Variants in CCNL2 observed in about 807,000 individuals in gnomAD.
CCNL2 encodes cyclin L2.
In CCNL2, 28 loss-of-function variants were observed where a neutral mutation model predicts 59.1. That is an observed-to-expected ratio of 0.47 (90% CI 0.35 to 0.65). The LOEUF (loss-of-function observed/expected upper bound fraction) is 0.65, where lower values mean the gene tolerates loss of function less well. CCNL2 is among the 30% of genes least tolerant of loss of function. The pLI is 0.00. For missense variants in CCNL2, 714 were observed against 717.4 expected, an observed-to-expected ratio of 1.00 and a Z score of 0.05; for synonymous variants, 342 against 288.6, an observed-to-expected ratio of 1.19 and a Z score of -1.88.
intron 3 of CCNL2, 91 bp from the exon 4 acceptor site, chr1:1,395,605 CA>C (rs1442094967): frequency 2.0e-6 from 3 of 1,536,394 alleles, no homozygotes; most frequent in Non-Finnish European, 2.7e-6. Flanking sequence ...GAGCACCTAA[CA>C]CAAACCCCAC....
chr1:1,390,905 G>A (rs373500735), intron 5 of CCNL2, 40 bp from the exon 6 acceptor site: 28 of 1,523,230 alleles, frequency 1.8e-5, no homozygotes, highest in Middle Eastern at 1.7e-4. Flanking sequence ...TGCCCCACCC[G>A]GGAACCCAGG....
chr1:1,398,690 T>A lies in CCNL2; in HGVS notation c.289-19A>T, dbSNP rs768929918. 6 of 1,610,098 alleles carry A rather than the reference T, an allele frequency of 3.7e-6. No individual in the cohort carries two copies. The Admixed American group carries it at 6.7e-5, about 18-fold the overall frequency. On this transcript the variant is annotated intron_variant, in intron 1 of 10. Coordinates refer to ENST00000400809, the MANE Select transcript of CCNL2 (RefSeq NM_030937.6). ...TGGCCACCTAGAGTAGAAGAAAGTT[T>A]CCGTATTTTCAAACGCACCATTCAA...
At position 1,399,240 on chromosome 1, in the gene CCNL2, G is replaced by T; in HGVS notation, c.67C>A (p.Pro23Thr). The change falls in exon 1 of 11, where the codon CCG (proline) becomes ACG (threonine). Residue 23 changes from proline to threonine, a missense_variant. Transcript: ENST00000400809. ...SAAPAAAAGA[P>T]GSGGAPSGSQ... is the part of the protein sequence containing the mutation. Reference sequence around the variant, plus strand: ...CCTGAGGGTGCGCCCCCAGATCCCGGGGCGCCGGCCGCTGCCGCGGGAGCT... The same window carrying T: ...CCTGAGGGTGCGCCCCCAGATCCCGTGGCGCCGGCCGCTGCCGCGGGAGCT... 1 of 1,591,348 alleles carries T rather than the reference G, an allele frequency of 6.3e-7. No individual in the cohort carries two copies. Among genetic ancestry groups the T allele is most frequent in the East Asian group, 2.4e-5 (1 of 42,122 alleles).
chr1:1,387,572 T>C lies in CCNL2; in HGVS notation c.1222A>G (p.Ser408Gly). 1 of 1,491,642 alleles carries C rather than the reference T, an allele frequency of 6.7e-7. No homozygotes were observed. 92.4% of individuals were successfully genotyped at this position (1,491,642 alleles called of 1,614,324 possible). A position where few individuals can be genotyped will look rare whatever the true frequency, so the allele number is the denominator to read the frequency against. The change falls in exon 11 of 11, where the codon AGC becomes GGC. Residue 408 changes from serine (S) to glycine (G), a missense_variant. This residue lies in a region of CCNL2 where 403 missense variants were observed against 377.7 expected (regional missense o/e 1.07). Coordinates refer to ENST00000400809, the MANE Select transcript of CCNL2 (RefSeq NM_030937.6). ...SASPKRRKSD[S>G]GSTSGGSKSQ... ...TTGGACCCACCAGATGTGGAGCCGC[T>C]GTCACTTTTCCTGGGAGGAAGAACA...
At chr1:1,396,583 T>C (rs113531386) in intron 3 of CCNL2, among the ~76,000 whole-genome samples, 1 of 140,294 alleles carries the variant, frequency 7.1e-6, no homozygotes, top group East Asian at 2.1e-4. Flanking sequence ...TTTTTTTTTT[T>C]TTTTTTTTTT....
chr1:1,391,725 TAA>T (rs1557720001), intron 5 of CCNL2: 2 of 425,472 alleles, frequency 4.7e-6, no homozygotes, highest in East Asian at 9.6e-5. Context: ...TTACATTTTT[TAA>T]AAGTTAAAGC....
rs1644548920 is a variant in CCNL2 at position 1,387,968 on chromosome 1, G to A, written c.1104C>T (p.Asp368=). 6.2e-7 allele frequency: 1 copy of A among 1,614,066 alleles called. No homozygotes were observed. The highest frequency in any genetic ancestry group is 8.5e-7 in the Non-Finnish European group (1 of 1,180,026). ...TGGGGTCCTACCCGTTCACGGGGCT[G>A]TCCGCCTTGGCTTTCTTGGCGCCCT... The part of the protein sequence containing the change: ...RLEGAKKAKA[D]SPVNGLPKGR... Residue 368 remains aspartate, a synonymous_variant, in exon 9 of 11, where the codon GAC becomes GAT. Transcript: ENST00000400809.
chr1:1,387,487 G>A lies in CCNL2; in HGVS notation c.1307C>T (p.Ala436Val), dbSNP rs900102282. The change falls in exon 11 of 11, where the codon GCT (alanine) becomes GTT (valine). Residue 436 changes from alanine (A) to valine (V), a missense_variant. Coordinates refer to ENST00000400809, the MANE Select transcript of CCNL2 (RefSeq NM_030937.6). ...DSPPRQAPRS[A>V]PYKGSEIRGS... ...CCGAATCTCAGAGCCTTTGTAGGGAGCGCTGCGGGGGGCCTGTCTCGGTGG... is the reference window on the plus strand; with the variant it reads ...CCGAATCTCAGAGCCTTTGTAGGGAACGCTGCGGGGGGCCTGTCTCGGTGG... The A allele has an allele frequency of 1.2e-6, 2 of 1,603,390 alleles. No individual in the cohort carries two copies. The highest frequency in any genetic ancestry group is 2.7e-5 in the African/African-American group (2 of 74,404).
chr1:1,387,135 AC>A lies in CCNL2; in HGVS notation c.*95del. The A allele has an allele frequency of 1.1e-6, 1 of 936,436 alleles. No homozygotes were observed. The highest frequency in any genetic ancestry group is 2.2e-5 in the Admixed American group (1 of 46,038). The allele number at this position is 936,436 out of a possible 1,614,324, so 58.0% of individuals were successfully genotyped here. On this transcript the variant is annotated 3_prime_UTR_variant, in exon 11 of 11. Coordinates refer to ENST00000400809, the MANE Select transcript of CCNL2 (RefSeq NM_030937.6). ...CTAGGACCACTTGCGCTGAGAGCAC[AC>A]CCGGGGGTCAAAGGGCAGCCACCGG...
rs201094209 is a variant in CCNL2 at position 1,387,221 on chromosome 1, C to T, written c.*10G>A. 2.5e-4 allele frequency: 398 copies of T among 1,592,600 alleles called. 3 individuals are homozygous for T. The African/African-American group carries it at 4.7e-3, about 19-fold the overall frequency. ...AAGGGCTTGCGGCCACCAGTCACTG[C>T]AACCCCGCCTCACCTCCGATGCCTG... On this transcript the variant is annotated 3_prime_UTR_variant, in exon 11 of 11. Transcript: ENST00000400809.
At chr1:1,396,932 G>A (rs1645066730) in intron 3 of CCNL2, among the ~76,000 whole-genome samples, 1 of 151,736 alleles carries the variant, frequency 6.6e-6, no homozygotes, top group Non-Finnish European at 1.5e-5. Context: ...TGTATTTTTA[G>A]TAGACGGGGT....
rs748099121 is a variant in CCNL2, at chr1:1,395,530, C to A, written c.474-16G>T. On this transcript the variant is annotated splice_polypyrimidine_tract_variant and intron_variant, in intron 3 of 10. Transcript: ENST00000400809. ...CACGGGCTTCCTGCCAGAGAGAGAG[C>A]ACAGGGTCTGCACCACAGTCAAGCA... 9 of 1,613,734 alleles carry A rather than the reference C, an allele frequency of 5.6e-6. No homozygotes were observed. The highest frequency in any genetic ancestry group is 5.9e-6 in the Non-Finnish European group (7 of 1,179,924).
chr1:1,390,398 A>G (rs1323704470), intron 7 of CCNL2, 27 bp from the exon 8 acceptor site: 2 of 1,611,538 alleles, frequency 1.2e-6, no homozygotes, highest in South Asian at 1.1e-5. Flanking sequence ...GTGTCCGTTC[A>G]GAACCAGGTG....
At chr1:1,393,919 G>C (rs1416307020) in intron 4 of CCNL2, among the ~76,000 whole-genome samples, 1 of 152,128 alleles carries the variant, frequency 6.6e-6, no homozygotes, top group Non-Finnish European at 1.5e-5. Context: ...CTGAGGTCAG[G>C]AGTTCGAGAA....
rs575779870 is a variant in CCNL2, at chr1:1,387,887, G to A, written c.1119-18C>T. 4 of 1,613,766 alleles carry A rather than the reference G, an allele frequency of 2.5e-6. No individual in the cohort carries two copies. The highest frequency in any genetic ancestry group is 3.3e-5 in the Admixed American group (2 of 60,014). ...TTGGCAAGCTGTGAACAGGACAGGA[G>A]CCAGTTACAAAGCAGAAGTCCCTCC... On this transcript the variant is annotated intron_variant, in intron 9 of 10. Transcript: ENST00000400809.
At chr1:1,393,007 C>T (rs1569949919) in intron 5 of CCNL2, 2 of 627,410 alleles carry the variant, frequency 3.2e-6, no homozygotes, top group East Asian at 5.5e-5. Context: ...TAAAATCGGC[C>T]CCAGAACCTT....
At position 1,387,546 on chromosome 1, in the gene CCNL2, C is replaced by T. The variant is rs1351066430; in HGVS notation, c.1248G>A (p.Lys416=). Residue 416 remains lysine (K), a synonymous_variant, in exon 11 of 11, where the codon AAG becomes AAA. Transcript: ENST00000400809. ...TCCTGCTCCGGGAGCGGCTCTGCGACTTGGACCCACCAGATGTGGAGCCGC... is the reference window on the plus strand; with the variant it reads ...TCCTGCTCCGGGAGCGGCTCTGCGATTTGGACCCACCAGATGTGGAGCCGC... ...SDSGSTSGGS[K]SQSRSRSRSD... is the part of the protein sequence containing the mutation. 1 of 1,528,284 alleles carries T rather than the reference C, an allele frequency of 6.5e-7. No individual in the cohort carries two copies. 94.7% of individuals were successfully genotyped at this position (1,528,284 alleles called of 1,614,324 possible). A position where few individuals can be genotyped will look rare whatever the true frequency, so the allele number is the denominator to read the frequency against.
intron 3 of CCNL2, among the ~76,000 whole-genome samples, chr1:1,397,587 T>C (rs1447139696): frequency 1.3e-5 from 2 of 152,180 alleles, no homozygotes; most frequent in African/African-American, 4.8e-5. Context: ...CCCAGCCAGA[T>C]GCGGTGGCTG....
chr1:1,399,267 C>T lies in CCNL2; in HGVS notation c.40G>A (p.Ala14Thr). The T allele has an allele frequency of 1.3e-6, 2 of 1,569,162 alleles. No homozygotes were observed. Among genetic ancestry groups the T allele is most frequent in the Admixed American group, 1.8e-5 (1 of 54,814 alleles). Residue 14 changes from alanine (A) to threonine (T), a missense_variant, in exon 1 of 11, where the codon GCA (alanine) becomes ACA (threonine). By Grantham distance (58) the Ala-to-Thr change is moderately conservative (BLOSUM62 0). This residue lies in a region of CCNL2 where 270 missense variants were observed against 254.9 expected (regional missense o/e 1.06). Transcript: ENST00000400809. Reference sequence around the variant, plus strand: ...GCGCCGGCCGCTGCCGCGGGAGCTGCCGACCCTGCAGCACCAGCCGCCGCC... The same window carrying T: ...GCGCCGGCCGCTGCCGCGGGAGCTGTCGACCCTGCAGCACCAGCCGCCGCC... ...AAAAAGAAGS[A>T]APAAAAGAPG...
Sources: allele counts gnomAD v4.1 joint callset (sites outside exome capture counted in the v4.1 genomes callset), GRCh38; gene constraint gnomAD v4.1.1; regional missense constraint gnomAD v4.1.1; transcripts MANE v1.5; gene names NCBI Gene and HGNC (gene_info 2026-07-23, HGNC 2026-07-21).